The following ACSF3 variants were observed in gnomAD, a reference collection of about 807,000 sequenced individuals.
The protein encoded by ACSF3 is malonate--CoA ligase ACSF3, mitochondrial.
In ACSF3, 78 loss-of-function variants were observed where a neutral mutation model predicts 53.2. That is an observed-to-expected ratio of 1.47 (90% CI 1.22 to 1.77). The LOEUF (loss-of-function observed/expected upper bound fraction) is 1.77. Ranked by LOEUF, ACSF3 falls within the 40% of genes most tolerant of loss-of-function variation. ACSF3 has a pLI of 0.00. For missense variants in ACSF3, 937 were observed against 771.1 expected (o/e 1.22, Z -2.55); for synonymous variants, 414 against 333.1 (o/e 1.24, Z -2.65).
chr16:89,131,771 G>A (rs747011782), intron 7 of ACSF3, among the ~76,000 whole-genome samples: 26 of 152,260 alleles, frequency 1.7e-4, no homozygotes, highest in Non-Finnish European at 3.2e-4. Context: ...CACGTCAGTG[G>A]AGCAGATAAA....
chr16:89,121,061 T>C, intron 7 of ACSF3, 148 bp downstream of exon 7: 2 of 700,486 alleles, frequency 2.9e-6, no homozygotes, highest in East Asian at 5.5e-5. Flanking sequence ...CTGGCTGGTG[T>C]TGCAAGGGCA....
At chr16:89,104,635 C>T (rs1975751777) in intron 4 of ACSF3, among the ~76,000 whole-genome samples, 1 of 152,210 alleles carries the variant, frequency 6.6e-6, no homozygotes, top group African/African-American at 2.4e-5. Context: ...CGCTGAGAGG[C>T]CCATCCTCTT....
At chr16:89,122,363 G>A (rs932506678) in intron 7 of ACSF3, 14 of 435,046 alleles carry the variant, frequency 3.2e-5, no homozygotes, top group African/African-American at 2.6e-4. Context: ...CACCTCCCCT[G>A]CCCTCTGTAG....
At chr16:89,103,625 G>C (rs551497416) in intron 4 of ACSF3, among the ~76,000 whole-genome samples, 1 of 152,202 alleles carries the variant, frequency 6.6e-6, no homozygotes, top group African/African-American at 2.4e-5. Flanking sequence ...GGTGTAGGGC[G>C]TAGGGCGTGA....
At position 89,155,929 on chromosome 16, in the gene ACSF3, A is replaced by G. The variant is rs578214392; in HGVS notation, c.*1722A>G. 4.1e-5 allele frequency: 15 copies of G among 368,790 alleles called. No homozygotes were observed. The East Asian group carries it at 1.1e-3, about 27-fold the overall frequency. The allele number at this position is 368,790 out of a possible 1,614,324, so 22.8% of individuals were successfully genotyped here. ...ACAAACTACAGAAAGCCTGGAGCTC[A>G]TTGACCAGAAACTGCAGAGAGCCTG... On this transcript the variant is annotated 3_prime_UTR_variant, in exon 11 of 11. Coordinates refer to ENST00000614302, the MANE Select transcript of ACSF3 (RefSeq NM_001243279.3).
intron 8 of ACSF3, among the ~76,000 whole-genome samples, chr16:89,135,071 G>GTTT (rs76337118): frequency 6.9e-5 from 8 of 115,628 alleles, no homozygotes; most frequent in Non-Finnish European, 9.2e-5. Context: ...TCTTTTCCTG[G>GTTT]TTTTTTTTTT....
intron 5 of ACSF3, among the ~76,000 whole-genome samples, chr16:89,112,914 CCT>C (rs1904317753): frequency 6.6e-6 from 1 of 152,230 alleles, no homozygotes; most frequent in Non-Finnish European, 1.5e-5. Flanking sequence ...TGCTGCTTTT[CCT>C]CTCAGCCCCG....
At chr16:89,103,577 C>T (rs2151419855) in intron 4 of ACSF3, among the ~76,000 whole-genome samples, 1 of 152,392 alleles carries the variant, frequency 6.6e-6, no homozygotes. Context: ...GCTTCATCCA[C>T]CTGCAGTTCC....
intron 8 of ACSF3, among the ~76,000 whole-genome samples, chr16:89,135,983 C>A (rs1268444148): frequency 6.6e-6 from 1 of 152,262 alleles, no homozygotes; most frequent in African/African-American, 2.4e-5. Flanking sequence ...CCATGTTGGC[C>A]AGGCTGGTCT....
intron 8 of ACSF3, among the ~76,000 whole-genome samples, chr16:89,136,045 GATTGC>G (rs1910392507): frequency 6.6e-6 from 1 of 152,272 alleles, no homozygotes; most frequent in South Asian, 2.1e-4. Context: ...ACAGTGCTGG[GATTGC>G]AGGCGTCAGC....
intron 4 of ACSF3, among the ~76,000 whole-genome samples, chr16:89,103,831 C>T (rs576676000): frequency 1.1e-4 from 16 of 152,198 alleles, no homozygotes; most frequent in African/African-American, 3.6e-4. Flanking sequence ...GAGGGAAGGA[C>T]GCGGTGCTGG....
At chr16:89,135,739 G>A (rs995506882) in intron 8 of ACSF3, among the ~76,000 whole-genome samples, 1 of 152,204 alleles carries the variant, frequency 6.6e-6, no homozygotes, top group South Asian at 2.1e-4. Flanking sequence ...TGAATGCCCC[G>A]ACCCCAATCC....
At chr16:89,134,696 A>G (rs778768005) in intron 8 of ACSF3, among the ~76,000 whole-genome samples, 3 of 152,208 alleles carry the variant, frequency 2.0e-5, no homozygotes, top group Non-Finnish European at 4.4e-5. Context: ...GAGGAGATAG[A>G]TGATTGGCTA....
At chr16:89,105,563 G>T (rs1261887434) in intron 4 of ACSF3, among the ~76,000 whole-genome samples, 3 of 152,184 alleles carry the variant, frequency 2.0e-5, no homozygotes, top group African/African-American at 7.2e-5. Flanking sequence ...CCTTTCCTTT[G>T]GCGGTCAGCT....
chr16:89,102,749 G>A lies in ACSF3; in HGVS notation c.812G>A (p.Ser271Asn). ...GATCVMMPEF[S>N]PQQVWEKFLS... ...ACCTGTGTGATGATGCCTGAGTTCA[G>A]CCCTCAGCAGGTGAGTTGGGGTCAG... Residue 271 changes from serine to asparagine, a missense_variant, in exon 4 of 11, where the codon AGC (serine) becomes AAC (asparagine). Physicochemically the swap from Ser to Asn is conservative, Grantham distance 46. Coordinates refer to ENST00000614302, the MANE Select transcript of ACSF3 (RefSeq NM_001243279.3). The A allele has an allele frequency of 6.2e-7, 1 of 1,612,654 alleles. No individual in the cohort carries two copies. Among genetic ancestry groups the A allele is most frequent in the Non-Finnish European group, 8.5e-7 (1 of 1,180,024 alleles).
intron 8 of ACSF3, among the ~76,000 whole-genome samples, chr16:89,137,156 A>G (rs1910681356): frequency 6.6e-6 from 1 of 152,248 alleles, no homozygotes; most frequent in South Asian, 2.1e-4. Context: ...GCATCCCTGC[A>G]GGGGTGAATG....
At chr16:89,120,769 GCCTCCC>G in intron 6 of ACSF3, 26 bp from the exon 7 acceptor site, 1 of 1,602,348 alleles carries the variant, frequency 6.2e-7, no homozygotes, top group Non-Finnish European at 8.6e-7. Flanking sequence ...TCTCACTCCA[GCCTCCC>G]CTTCAGTGTT....
intron 1 of ACSF3, among the ~76,000 whole-genome samples, chr16:89,097,417 C>T (rs758402059): frequency 6.6e-6 from 1 of 152,246 alleles, no homozygotes; most frequent in Non-Finnish European, 1.5e-5. Flanking sequence ...CAGAAAGCAC[C>T]GTCCCCTGCT....
Position 89,155,841 on chromosome 16 carries a change from G to T in ACSF3, c.*1634G>T. ...GCTTACATAATCATTTGCTTTATCC[G>T]ATAGTATACATCAGTATATCATGCT... On this transcript the variant is annotated 3_prime_UTR_variant, in exon 11 of 11. Transcript: ENST00000614302. The T allele has an allele frequency of 2.2e-6, 1 of 451,270 alleles. No homozygotes were observed. Among genetic ancestry groups the T allele is most frequent in the Non-Finnish European group, 4.4e-6 (1 of 225,508 alleles). 28.0% of individuals were successfully genotyped at this position (451,270 alleles called of 1,614,324 possible).
Sources: allele counts gnomAD v4.1 joint callset (sites outside exome capture counted in the v4.1 genomes callset), GRCh38; gene constraint gnomAD v4.1.1; transcripts MANE v1.5; gene names NCBI Gene and HGNC (gene_info 2026-07-23, HGNC 2026-07-21).